Variants in CSMD1 observed in about 807,000 individuals in gnomAD.
CSMD1 encodes the protein CUB and sushi domain-containing protein 1.
CSMD1 carries 213 observed loss-of-function variants against 417.5 expected under a neutral mutation model. The ratio of observed to expected loss-of-function variants is 0.51; its 90% confidence interval spans 0.46 to 0.57. CSMD1 has a LOEUF of 0.57. Among genes scored for constraint, CSMD1 ranks in the 20% least tolerant of loss-of-function variants. The probability of loss-of-function intolerance (pLI) is 0.00; values close to 1 mark genes in which losing one functional copy is unlikely to be tolerated. For missense variants in CSMD1, 6,923 were observed against 4,529.7 expected, an observed-to-expected ratio of 1.53 and a Z score of -15.17; for synonymous variants, 2,862 against 1,736.8, an observed-to-expected ratio of 1.65 and a Z score of -16.11.
At chr8:3,749,511 G>A (rs187388211) in intron 6 of CSMD1, among the ~76,000 whole-genome samples, 25 of 152,296 alleles carry the variant, frequency 1.6e-4, no homozygotes, top group African/African-American at 5.8e-4. Flanking sequence ...AGAATTTGGA[G>A]ATGAAAGTTA....
chr8:4,000,482 G>C (rs1244948869), intron 4 of CSMD1, among the ~76,000 whole-genome samples: 1 of 152,220 alleles, frequency 6.6e-6, no homozygotes, highest in Non-Finnish European at 1.5e-5. Flanking sequence ...CTACTACTGA[G>C]ATTCAGATAT....
chr8:4,168,855 G>T (rs114742363), intron 3 of CSMD1, among the ~76,000 whole-genome samples: 9 of 151,968 alleles, frequency 5.9e-5, no homozygotes, highest in African/African-American at 2.2e-4. Flanking sequence ...CTCCACCACA[G>T]TTGCTTTAGA....
At chr8:3,136,814 G>T (rs1818127063) in intron 41 of CSMD1, among the ~76,000 whole-genome samples, 1 of 152,052 alleles carries the variant, frequency 6.6e-6, no homozygotes. Flanking sequence ...CCTTAAAGAA[G>T]CCTTCTACAA....
intron 1 of CSMD1, among the ~76,000 whole-genome samples, chr8:4,746,680 G>A (rs147275880): frequency 6.6e-6 from 1 of 152,266 alleles, no homozygotes; most frequent in East Asian, 1.9e-4. Context: ...TTATGCATCT[G>A]CTGCTGAGCA....
chr8:3,838,926 C>CTACA (rs1802906271), intron 5 of CSMD1, among the ~76,000 whole-genome samples: 1 of 108,240 alleles, frequency 9.2e-6, no homozygotes. Context: ...TATAGTCTCT[C>CTACA]TATTTATATA....
intron 6 of CSMD1, among the ~76,000 whole-genome samples, chr8:3,732,667 A>G (rs1393122325): frequency 1.3e-5 from 2 of 152,038 alleles, no homozygotes; most frequent in Admixed American, 1.3e-4. Context: ...TTCAATCCTA[A>G]ATTGATTTTT....
chr8:4,966,209 CAAAAAA>C (rs33941630), intron 1 of CSMD1, among the ~76,000 whole-genome samples: 16 of 89,138 alleles, frequency 1.8e-4, no homozygotes, highest in Middle Eastern at 6.1e-3. Context: ...ACTAAATATA[CAAAAAA>C]AAAAAAAAAA....
intron 7 of CSMD1, among the ~76,000 whole-genome samples, chr8:3,683,470 G>T (rs376559844): frequency 6.6e-6 from 1 of 152,124 alleles, no homozygotes; most frequent in Non-Finnish European, 1.5e-5. Flanking sequence ...TCCATTTCTG[G>T]AGGGGTGTTC....
intron 3 of CSMD1, among the ~76,000 whole-genome samples, chr8:4,231,658 G>C (rs1041949438): frequency 6.6e-6 from 1 of 152,106 alleles, no homozygotes; most frequent in Non-Finnish European, 1.5e-5. Context: ...CTGATAAGTA[G>C]GCTATTAACT....
chr8:3,970,576 T>A (rs1190269382), intron 5 of CSMD1, among the ~76,000 whole-genome samples: 1 of 152,118 alleles, frequency 6.6e-6, no homozygotes, highest in African/African-American at 2.4e-5. Context: ...GAAATGTTGT[T>A]AAAGACCCAA....
intron 40 of CSMD1, among the ~76,000 whole-genome samples, chr8:3,144,469 T>G (rs890718760): frequency 7.9e-5 from 12 of 152,022 alleles, no homozygotes; most frequent in Admixed American, 3.9e-4. Flanking sequence ...CTTTAATAAT[T>G]TAAGCAAAAT....
At chr8:3,481,570 G>C (rs1817751533) in intron 11 of CSMD1, among the ~76,000 whole-genome samples, 1 of 152,206 alleles carries the variant, frequency 6.6e-6, no homozygotes, top group South Asian at 2.1e-4. Flanking sequence ...CTTTTCAGAT[G>C]AAAGATTTTG....
At chr8:4,186,847 T>A (rs1191872632) in intron 3 of CSMD1, among the ~76,000 whole-genome samples, 3 of 90,764 alleles carry the variant, frequency 3.3e-5, no homozygotes, top group South Asian at 4.0e-4. Context: ...AAAAAAAAAA[T>A]CAGCCGGGCG....
chr8:3,563,852 G>A (rs928653302), intron 10 of CSMD1, among the ~76,000 whole-genome samples: 4 of 152,058 alleles, frequency 2.6e-5, no homozygotes, highest in African/African-American at 9.7e-5. Flanking sequence ...GTATGCCATC[G>A]CACTCCAGCC....
intron 23 of CSMD1, among the ~76,000 whole-genome samples, chr8:3,332,764 G>A (rs938940982): frequency 3.9e-5 from 6 of 152,144 alleles, no homozygotes; most frequent in Admixed American, 1.3e-4. Flanking sequence ...AAACTCTGAC[G>A]GGCAGATGTT....
chr8:3,653,554 G>A (rs145205792), intron 7 of CSMD1, among the ~76,000 whole-genome samples: 34 of 152,122 alleles, frequency 2.2e-4, no homozygotes, highest in South Asian at 4.2e-4. Context: ...AGTAATCAGC[G>A]CACCTCAGCC....
At chr8:3,538,307 T>C (rs2117549591) in intron 10 of CSMD1, among the ~76,000 whole-genome samples, 1 of 151,844 alleles carries the variant, frequency 6.6e-6, no homozygotes, top group African/African-American at 2.4e-5. Flanking sequence ...CCTGAGATGG[T>C]ACACGTGCGA....
At chr8:4,285,452 A>G (rs1011433272) in intron 3 of CSMD1, among the ~76,000 whole-genome samples, 3 of 152,242 alleles carry the variant, frequency 2.0e-5, no homozygotes, top group Middle Eastern at 3.2e-3. Context: ...GTATTAGTTC[A>G]GAATTATGAA....
intron 7 of CSMD1, among the ~76,000 whole-genome samples, chr8:3,666,820 G>C (rs143819784): frequency 6.6e-6 from 1 of 152,244 alleles, no homozygotes; most frequent in African/African-American, 2.4e-5. Flanking sequence ...ATGTGGAACT[G>C]TGAGTCCATT....
Sources: gnomAD v4.1 joint callset for allele counts (sites outside exome capture counted in the v4.1 genomes callset) on GRCh38, gnomAD v4.1.1 for gene constraint, MANE v1.5 for transcripts, NCBI Gene and HGNC (gene_info 2026-07-23, HGNC 2026-07-21) for gene names.